WWOX: variants seen among roughly 807,000 people sequenced by gnomAD.
The protein encoded by WWOX is WW domain containing oxidoreductase.
WWOX carries 69 observed loss-of-function variants against 46.2 expected under a neutral mutation model. That is an observed-to-expected ratio of 1.49 (90% CI 1.23 to 1.82). The LOEUF (loss-of-function observed/expected upper bound fraction) is 1.82. Among genes scored for constraint, WWOX ranks in the 40% most tolerant of loss-of-function variants. The probability of loss-of-function intolerance (pLI) is 0.00; values close to 1 mark genes in which losing one functional copy is unlikely to be tolerated. For missense variants in WWOX, 919 were observed against 542.6 expected (o/e 1.69, Z -6.89); for synonymous variants, 359 against 202.6 (o/e 1.77, Z -6.56).
intron 8 of WWOX, among the ~76,000 whole-genome samples, chr16:79,114,998 C>T (rs1193439730): frequency 6.6e-6 from 1 of 152,210 alleles, no homozygotes; most frequent in African/African-American, 2.4e-5. Context: ...TTGCAATAAG[C>T]ACAGTATCTG....
chr16:78,767,590 T>C (rs865778435), intron 8 of WWOX, among the ~76,000 whole-genome samples: 63 of 152,076 alleles, frequency 4.1e-4, no homozygotes, highest in African/African-American at 1.5e-3. Context: ...TACCTAGGAG[T>C]GAAATTGCTG....
intron 8 of WWOX, among the ~76,000 whole-genome samples, chr16:79,151,521 C>G (rs752595894): frequency 1.7e-4 from 26 of 152,208 alleles, no homozygotes; most frequent in Non-Finnish European, 3.4e-4. Context: ...GATCAGTGTT[C>G]AGGTTGAAGA....
At position 78,753,951 on chromosome 16, in the gene WWOX, C is replaced by G. The variant is rs190070105; in HGVS notation, c.1056+321199C>G. Among the ~76,000 whole-genome samples the G allele has an allele frequency of 2.5e-3, 375 of 147,080 alleles. 1 individual carries two copies. The highest frequency in any genetic ancestry group is 3.8e-3 in the Non-Finnish European group (256 of 67,112). ...TTTAAGTGGCAGAAACAGGGGAATT[C>G]TGTCTAACACAATCCAATTTATCCA... On this transcript the variant is annotated intron_variant, in intron 8 of 8. Coordinates refer to ENST00000566780, the MANE Select transcript of WWOX (RefSeq NM_016373.4).
chr16:78,708,931 G>A (rs567249349), intron 8 of WWOX, among the ~76,000 whole-genome samples: 1 of 152,130 alleles, frequency 6.6e-6, no homozygotes, highest in Admixed American at 6.6e-5. Context: ...ATAAAAAGAA[G>A]GCAGGGAAAG....
intron 5 of WWOX, among the ~76,000 whole-genome samples, chr16:78,351,569 G>A (rs957853043): frequency 2.0e-5 from 3 of 152,168 alleles, no homozygotes; most frequent in African/African-American, 4.8e-5. Context: ...TAACATTCAC[G>A]GATGGCATGG....
chr16:78,849,528 C>T (rs1244756562), intron 8 of WWOX, among the ~76,000 whole-genome samples: 12 of 133,630 alleles, frequency 9.0e-5, no homozygotes, highest in African/African-American at 2.5e-4. Context: ...GAGCGGAGAT[C>T]GTGACACTGC....
chr16:79,017,812 T>C (rs982557400), intron 8 of WWOX, among the ~76,000 whole-genome samples: 7 of 152,202 alleles, frequency 4.6e-5, no homozygotes, highest in African/African-American at 1.7e-4. Context: ...AAATTACAGA[T>C]TATCCAGAAC....
chr16:78,136,117 G>A (rs1330139833), intron 4 of WWOX, among the ~76,000 whole-genome samples: 1 of 152,148 alleles, frequency 6.6e-6, no homozygotes, highest in Non-Finnish European at 1.5e-5. Context: ...GGTTAGCCAA[G>A]TTATTGAACT....
At chr16:78,911,083 G>C (rs1597139334) in intron 8 of WWOX, among the ~76,000 whole-genome samples, 1 of 151,984 alleles carries the variant, frequency 6.6e-6, no homozygotes, top group African/African-American at 2.4e-5. Context: ...CTCTCCCCAG[G>C]GCCTCCCTTC....
intron 8 of WWOX, among the ~76,000 whole-genome samples, chr16:78,626,531 A>T (rs562676568): frequency 2.6e-5 from 4 of 152,120 alleles, no homozygotes; most frequent in Non-Finnish European, 4.4e-5. Context: ...ATCACATCGT[A>T]TCAAGCATTC....
chr16:78,946,645 C>T (rs1258134443), intron 8 of WWOX, among the ~76,000 whole-genome samples: 2 of 152,096 alleles, frequency 1.3e-5, no homozygotes, highest in East Asian at 1.9e-4. Context: ...AGGAGAGATG[C>T]AGTGATGGCA....
intron 8 of WWOX, among the ~76,000 whole-genome samples, chr16:78,769,097 T>A (rs1243558498): frequency 6.6e-6 from 1 of 152,224 alleles, no homozygotes; most frequent in Non-Finnish European, 1.5e-5. Flanking sequence ...TTTATAAGGC[T>A]CTGGCATTTG....
At chr16:78,598,554 G>A (rs2045545728) in intron 8 of WWOX, among the ~76,000 whole-genome samples, 1 of 152,148 alleles carries the variant, frequency 6.6e-6, no homozygotes, top group Non-Finnish European at 1.5e-5. Flanking sequence ...TTTTGACCAG[G>A]CAGGCTCTCA....
chr16:79,036,277 C>A (rs555517475), intron 8 of WWOX, among the ~76,000 whole-genome samples: 3 of 152,358 alleles, frequency 2.0e-5, no homozygotes, highest in African/African-American at 7.2e-5. Context: ...CTGACTCCCA[C>A]CAGATAATGC....
rs148361116 is a variant in WWOX, at chr16:79,002,443, G to A, written c.1057-209165G>A. Among the ~76,000 whole-genome samples the A allele has an allele frequency of 2.3e-4, 35 of 151,944 alleles. No individual in the cohort carries two copies. In the East Asian group the frequency reaches 5.1e-3, roughly 22 times the overall value. The stretch of plus-strand genomic sequence containing the variant: ...TTTGACATGTTGCCAGGCTGCTCTC[G>A]AACTCCTGACCTCAGGTGATCCACC... On this transcript the variant is annotated intron_variant, in intron 8 of 8. Coordinates refer to ENST00000566780, the MANE Select transcript of WWOX (RefSeq NM_016373.4).
intron 8 of WWOX, among the ~76,000 whole-genome samples, chr16:78,736,915 G>T (rs1222271177): frequency 1.3e-5 from 2 of 151,800 alleles, no homozygotes; most frequent in Non-Finnish European, 2.9e-5. Context: ...GGCCCACAAT[G>T]GTTTTCATAT....
chr16:79,068,538 T>C (rs1315172380), intron 8 of WWOX, among the ~76,000 whole-genome samples: 1 of 151,952 alleles, frequency 6.6e-6, no homozygotes, highest in Non-Finnish European at 1.5e-5. Flanking sequence ...TCACGGTGGC[T>C]CATGCCTGTA....
intron 8 of WWOX, among the ~76,000 whole-genome samples, chr16:78,619,467 A>G (rs1216022027): frequency 6.6e-6 from 1 of 150,594 alleles, no homozygotes; most frequent in Non-Finnish European, 1.5e-5. Context: ...ACCCGCACCC[A>G]CATGTTATAC....
chr16:78,369,572 A>C (rs1392279311), intron 5 of WWOX, among the ~76,000 whole-genome samples: 3 of 152,164 alleles, frequency 2.0e-5, no homozygotes, highest in African/African-American at 7.2e-5. Flanking sequence ...CACAGTATTG[A>C]GGGGCTGGAC....
Sources: gnomAD v4.1 joint callset for allele counts (sites outside exome capture counted in the v4.1 genomes callset) on GRCh38, gnomAD v4.1.1 for gene constraint, MANE v1.5 for transcripts, NCBI Gene and HGNC (gene_info 2026-07-23, HGNC 2026-07-21) for gene names.